The following ZNRF3 variants were observed in gnomAD, a reference collection of about 807,000 sequenced individuals.
ZNRF3 encodes zinc and ring finger 3, also known as E3 ubiquitin-protein ligase ZNRF3.
ZNRF3 carries 23 observed loss-of-function variants against 72.5 expected under a neutral mutation model. The observed-to-expected ratio is 0.32, with a 90% confidence interval of 0.23 to 0.45. The LOEUF (loss-of-function observed/expected upper bound fraction) is 0.45, where lower values mean the gene tolerates loss of function less well. Among genes scored for constraint, ZNRF3 ranks in the 20% least tolerant of loss-of-function variants. The probability of loss-of-function intolerance (pLI) is 1.00; values close to 1 mark genes in which losing one functional copy is unlikely to be tolerated. For synonymous variants in ZNRF3, 610 were observed against 545.3 expected (o/e 1.12, Z -1.65); for missense variants, 1,169 against 1,272.1 (o/e 0.92, Z 1.23).
Position 29,007,819 on chromosome 22 carries a change from C to A in ZNRF3, c.426+20618C>A, listed in dbSNP as rs1190864457. ...TTGCCCAGGCTGGAGTGCAATGGTG[C>A]GATCTCGGCTCACCACAACCTCCGC... On this transcript the variant is annotated intron_variant, in intron 2 of 8. Transcript: ENST00000544604. Among the ~76,000 whole-genome samples, 8 of 132,530 alleles carry A rather than the reference C, an allele frequency of 6.0e-5. No individual in the cohort carries two copies. The South Asian group carries it at 1.9e-3, about 32-fold the overall frequency. The allele number at this position is 132,530 out of a possible 152,430, so 86.9% of individuals were successfully genotyped here. A position where few individuals can be genotyped will look rare whatever the true frequency, so the allele number is the denominator to read the frequency against.
intron 1 of ZNRF3, among the ~76,000 whole-genome samples, chr22:28,888,341 C>T (rs1372663159): frequency 6.6e-6 from 1 of 152,210 alleles, no homozygotes; most frequent in East Asian, 1.9e-4. Flanking sequence ...TTTAAGTTAA[C>T]TTAACAGGCC....
At chr22:28,890,752 TTCTC>T (rs200742029) in intron 1 of ZNRF3, among the ~76,000 whole-genome samples, 2 of 149,792 alleles carry the variant, frequency 1.3e-5, no homozygotes, top group African/African-American at 5.0e-5. Flanking sequence ...CTTGCTTGCT[TTCTC>T]TCTCTCTCTC....
intron 1 of ZNRF3, among the ~76,000 whole-genome samples, chr22:28,969,345 C>T (rs973317987): frequency 6.6e-6 from 1 of 152,112 alleles, no homozygotes; most frequent in Non-Finnish European, 1.5e-5. Flanking sequence ...TGTTTTTAAG[C>T]ATAATTTACA....
At chr22:28,994,156 T>C (rs1255553781) in intron 2 of ZNRF3, among the ~76,000 whole-genome samples, 1 of 150,264 alleles carries the variant, frequency 6.7e-6, no homozygotes, top group Non-Finnish European at 1.5e-5. Context: ...CTCCCTCCTT[T>C]ATTGTCCTTC....
chr22:29,040,955 C>T (rs559861142), intron 2 of ZNRF3, among the ~76,000 whole-genome samples: 2 of 152,176 alleles, frequency 1.3e-5, no homozygotes, highest in African/African-American at 4.8e-5. Context: ...ATTATTCCTA[C>T]GGAAAGGAAT....
chr22:28,899,990 T>C (rs930246715), intron 1 of ZNRF3, among the ~76,000 whole-genome samples: 3 of 152,216 alleles, frequency 2.0e-5, no homozygotes, highest in East Asian at 1.9e-4. Flanking sequence ...GTGGAAGTTA[T>C]ATGGTGGGCC....
chr22:28,942,646 G>GAT (rs2034968396), intron 1 of ZNRF3, among the ~76,000 whole-genome samples: 1 of 152,218 alleles, frequency 6.6e-6, no homozygotes, highest in African/African-American at 2.4e-5. Context: ...ATTCTTAGGG[G>GAT]TCCGTGCTAC....
intron 1 of ZNRF3, among the ~76,000 whole-genome samples, chr22:28,929,192 A>T (rs191764761): frequency 1.3e-3 from 205 of 152,260 alleles, no homozygotes; most frequent in African/African-American, 4.7e-3. Flanking sequence ...GTAATGTTTG[A>T]AACAAGAGGG....
rs888120319 is a variant in ZNRF3, at chr22:29,054,858, A to G, written c.*1236A>G. ...ATACCTTTCCTATCCCATTTCCCCC[A>G]CGGAAGCACCGCTTCAGGGTTATTC... On this transcript the variant is annotated 3_prime_UTR_variant, in exon 9 of 9. Transcript: ENST00000544604. 6.7e-6 allele frequency: 1 copy of G among 149,308 alleles called. No individual in the cohort carries two copies. Among genetic ancestry groups the G allele is most frequent in the Admixed American group, 6.7e-5 (1 of 14,866 alleles). The allele number at this position is 149,308 out of a possible 1,614,324, so 9.2% of individuals were successfully genotyped here.
intron 1 of ZNRF3, among the ~76,000 whole-genome samples, chr22:28,984,677 GC>G (rs1194370575): frequency 6.6e-6 from 1 of 152,224 alleles, no homozygotes; most frequent in Non-Finnish European, 1.5e-5. Context: ...CGGGTCTTGA[GC>G]CCTTTCCTGG....
intron 1 of ZNRF3, among the ~76,000 whole-genome samples, chr22:28,914,404 T>TC (rs1026339000): frequency 1.3e-5 from 2 of 150,536 alleles, no homozygotes; most frequent in African/African-American, 4.9e-5. Context: ...GGCTGAGATA[T>TC]CCCCCATTGA....
chr22:28,995,489 G>A (rs1017268072), intron 2 of ZNRF3, among the ~76,000 whole-genome samples: 2 of 152,110 alleles, frequency 1.3e-5, no homozygotes, highest in Non-Finnish European at 2.9e-5. Context: ...GCCAGAACCT[G>A]ATATGTACCA....
At chr22:29,014,066 G>A (rs552638321) in intron 2 of ZNRF3, among the ~76,000 whole-genome samples, 90 of 152,220 alleles carry the variant, frequency 5.9e-4, no homozygotes, top group Middle Eastern at 3.4e-3. Flanking sequence ...CCCCTAAATA[G>A]CTTTTCCCTG....
At chr22:28,902,081 T>A (rs959187475) in intron 1 of ZNRF3, among the ~76,000 whole-genome samples, 8 of 149,378 alleles carry the variant, frequency 5.4e-5, no homozygotes, top group Non-Finnish European at 1.2e-4. Context: ...GGATTACAGG[T>A]GTGCACCACC....
At chr22:28,937,215 ATTTTTTTTTTTTT>A (rs370829828) in intron 1 of ZNRF3, among the ~76,000 whole-genome samples, 18 of 8,848 alleles carry the variant, frequency 2.0e-3, no homozygotes, top group South Asian at 5.5e-3. Flanking sequence ...ATATATATAT[ATTTTTTTTTTTTT>A]TTTTTTTTTT....
At chr22:29,039,069 T>C (rs1316890273) in intron 2 of ZNRF3, among the ~76,000 whole-genome samples, 8 of 152,252 alleles carry the variant, frequency 5.3e-5, no homozygotes, top group Non-Finnish European at 2.9e-5. Flanking sequence ...TACAACCAGC[T>C]GCCTTATTAC....
At chr22:28,932,520 T>A (rs2034724855) in intron 1 of ZNRF3, among the ~76,000 whole-genome samples, 1 of 152,172 alleles carries the variant, frequency 6.6e-6, no homozygotes, top group Admixed American at 6.5e-5. Context: ...AGTAGCCACC[T>A]AGCAACATTG....
chr22:28,939,618 C>G (rs1026139202), intron 1 of ZNRF3, among the ~76,000 whole-genome samples: 1 of 152,078 alleles, frequency 6.6e-6, no homozygotes, highest in Admixed American at 6.5e-5. Context: ...GGGCCTCACT[C>G]CCATTTACAT....
chr22:29,016,014 C>CAAAAAAAAAAAAAAAAAAAAAAAAAAAA (rs34796724), intron 2 of ZNRF3, among the ~76,000 whole-genome samples: 1 of 102,462 alleles, frequency 9.8e-6, no homozygotes. Context: ...GAAACTGTCT[C>CAAAAAAAAAAAAAAAAAAAAAAAAAAAA]AAAAAAAAAA....
Sources: gnomAD v4.1 joint callset for allele counts (sites outside exome capture counted in the v4.1 genomes callset) on GRCh38, gnomAD v4.1.1 for gene constraint, MANE v1.5 for transcripts, NCBI Gene and HGNC (gene_info 2026-07-23, HGNC 2026-07-21) for gene names.